Variants in GPCPD1 observed in about 807,000 individuals in gnomAD.
The protein encoded by GPCPD1 is glycerophosphocholine phosphodiesterase GPCPD1.
GPCPD1 carries 29 observed loss-of-function variants against 89.2 expected under a neutral mutation model. The ratio of observed to expected loss-of-function variants is 0.33; its 90% CI spans 0.24 to 0.44. The LOEUF (loss-of-function observed/expected upper bound fraction) is 0.44, where lower values mean the gene tolerates loss of function less well. Ranked by LOEUF, GPCPD1 falls within the 20% of genes least tolerant of loss-of-function variation. The probability of loss-of-function intolerance (pLI) is 1.00; values close to 1 mark genes in which losing one functional copy is unlikely to be tolerated. For missense variants in GPCPD1, 594 were observed against 808.9 expected (o/e 0.73, Z 3.22); for synonymous variants, 258 against 266.3 (o/e 0.97, Z 0.30).
chr20:5,594,156 C>G (rs1252992636), intron 3 of GPCPD1, among the ~76,000 whole-genome samples: 2 of 152,218 alleles, frequency 1.3e-5, no homozygotes, highest in Admixed American at 6.5e-5. Flanking sequence ...TAGTGCTATC[C>G]ACAGCATGGT....
At chr20:5,549,795 G>C (rs917784737) in intron 19 of GPCPD1, among the ~76,000 whole-genome samples, 2 of 147,402 alleles carry the variant, frequency 1.4e-5, no homozygotes, top group Admixed American at 6.8e-5. Flanking sequence ...CAGGGAAATA[G>C]CATGTTCATT....
chr20:5,561,425 C>T, intron 16 of GPCPD1, 40 bp downstream of exon 16: 2 of 1,091,684 alleles, frequency 1.8e-6, no homozygotes, highest in Non-Finnish European at 1.4e-6. Flanking sequence ...TTTAGATAGG[C>T]ATAGAGAGTA....
chr20:5,555,487 C>T (rs1488769585), intron 19 of GPCPD1, among the ~76,000 whole-genome samples: 1 of 152,090 alleles, frequency 6.6e-6, no homozygotes, highest in Admixed American at 6.6e-5. Context: ...TGCAGTGAGC[C>T]GAGATTGTGC....
intron 2 of GPCPD1, among the ~76,000 whole-genome samples, chr20:5,602,093 T>TAGCAG (rs2122799465): frequency 6.6e-6 from 1 of 152,336 alleles, no homozygotes; most frequent in Admixed American, 6.5e-5. Flanking sequence ...TCGCCACATT[T>TAGCAG]AGCAGAGGGT....
Position 5,567,543 on chromosome 20 carries a change from T to A in GPCPD1, c.1167A>T (p.Pro389=), listed in dbSNP as rs1359048519. ...LTMKKKFDAD[P]VELFEIPVKE... is the part of the protein sequence containing the mutation. ...TTACTGGAATTTCAAATAATTCAAC[T>A]GGATCAGCATCAAATTTCTAAAAAA... Residue 389 remains proline, a synonymous_variant, in exon 13 of 20, where the codon CCA becomes CCT. Coordinates refer to ENST00000379019, the MANE Select transcript of GPCPD1 (RefSeq NM_019593.5). The A allele has an allele frequency of 1.3e-6, 2 of 1,516,898 alleles. No individual in the cohort carries two copies. Among genetic ancestry groups the A allele is most frequent in the African/African-American group, 1.5e-5 (1 of 65,916 alleles). The allele number at this position is 1,516,898 out of a possible 1,614,324, so 94.0% of individuals were successfully genotyped here.
intron 19 of GPCPD1, among the ~76,000 whole-genome samples, chr20:5,551,893 C>T (rs532117719): frequency 3.5e-4 from 54 of 152,344 alleles, no homozygotes; most frequent in African/African-American, 1.2e-3. Context: ...ACTCTCACCA[C>T]ACCTCTCTCC....
chr20:5,558,187 C>A (rs907417868), intron 18 of GPCPD1, 82 bp from the exon 19 acceptor site: 73 of 769,638 alleles, frequency 9.5e-5, no homozygotes, highest in Non-Finnish European at 1.4e-4. Flanking sequence ...TCAGTGCTCT[C>A]CAAAGTACAG....
Position 5,558,970 on chromosome 20 carries a change from A to C in GPCPD1, c.1533-151T>G, listed in dbSNP as rs576213631. The C allele has an allele frequency of 1.1e-4, 61 of 560,988 alleles. 3 individuals are homozygous for C. The South Asian group carries it at 1.5e-3, about 14-fold the overall frequency. 34.8% of individuals were successfully genotyped at this position (560,988 alleles called of 1,614,324 possible). On this transcript the variant is annotated intron_variant, in intron 17 of 19. Transcript: ENST00000379019. ...GTAATCCCAACACTTTGGGAGGCCAAGGCGGGCAGAGCACTTGCGGTCATG... is the reference window on the plus strand; with the variant it reads ...GTAATCCCAACACTTTGGGAGGCCACGGCGGGCAGAGCACTTGCGGTCATG...
chr20:5,603,059 G>A (rs1426853648), intron 2 of GPCPD1, among the ~76,000 whole-genome samples: 5 of 151,194 alleles, frequency 3.3e-5, no homozygotes, highest in East Asian at 2.0e-4. Context: ...TTGGGAGGCC[G>A]AGAGGCAGGT....
At chr20:5,596,538 A>C (rs950129533) in intron 3 of GPCPD1, among the ~76,000 whole-genome samples, 8 of 152,206 alleles carry the variant, frequency 5.3e-5, no homozygotes, top group Non-Finnish European at 1.2e-4. Flanking sequence ...ATCCTTTCCC[A>C]AAATACCATA....
At chr20:5,571,769 C>T (rs1235951439) in intron 11 of GPCPD1, among the ~76,000 whole-genome samples, 1 of 152,058 alleles carries the variant, frequency 6.6e-6, no homozygotes, top group Non-Finnish European at 1.5e-5. Context: ...ATTAGCTGGG[C>T]ATGGTGGCAA....
chr20:5,596,158 G>A (rs1979708756), intron 3 of GPCPD1, among the ~76,000 whole-genome samples: 1 of 152,124 alleles, frequency 6.6e-6, no homozygotes, highest in South Asian at 2.1e-4. Flanking sequence ...CAGCACGCTG[G>A]GAGGCTGAGG....
At chr20:5,556,528 G>T (rs533661110) in intron 19 of GPCPD1, among the ~76,000 whole-genome samples, 1 of 152,070 alleles carries the variant, frequency 6.6e-6, no homozygotes, top group Admixed American at 6.6e-5. Context: ...ATATGCACTC[G>T]GAACCAAAAG....
intron 15 of GPCPD1, among the ~76,000 whole-genome samples, chr20:5,563,718 GCTCT>G (rs1237050323): frequency 2.6e-5 from 4 of 152,016 alleles, no homozygotes; most frequent in African/African-American, 9.7e-5. Context: ...CATTGCAGGG[GCTCT>G]CTTTTAGCAT....
At chr20:5,562,618 G>T (rs770512384) in intron 15 of GPCPD1, among the ~76,000 whole-genome samples, 6 of 152,156 alleles carry the variant, frequency 3.9e-5, no homozygotes, top group Non-Finnish European at 7.3e-5. Context: ...AGGTATCAAA[G>T]AACATGTATA....
rs760330700 is a variant in GPCPD1 at position 5,573,925 on chromosome 20, G to C, written c.1046C>G (p.Ala349Gly). 5.3e-6 allele frequency: 8 copies of C among 1,517,564 alleles called. No homozygotes were observed. The highest frequency in any genetic ancestry group is 1.7e-4 in the Middle Eastern group (1 of 5,864). 94.0% of individuals were successfully genotyped at this position (1,517,564 alleles called of 1,614,324 possible). Residue 349 changes from alanine to glycine, a missense_variant, in exon 11 of 20, where the codon GCT becomes GGT. By Grantham distance (60) the Ala-to-Gly change is moderately conservative (BLOSUM62 0). Transcript: ENST00000379019. Reference sequence around the variant, plus strand: ...TTAAAGGTTACTTACATGACTAGCAGCATTTCTTAAAGAAGCAATAGTATT... The same window carrying C: ...TTAAAGGTTACTTACATGACTAGCACCATTTCTTAAAGAAGCAATAGTATT... ...QENTIASLRN[A>G]ASHGAAFVEF...
rs185518552 is a variant in GPCPD1, at chr20:5,583,803, G to A, written c.349+478C>T. 4.6e-5 allele frequency among the ~76,000 whole-genome samples: 7 copies of A among 152,208 alleles called. No individual in the cohort carries two copies. In the East Asian group the frequency reaches 1.2e-3, roughly 25 times the overall value. ...ACTTTAGATATTTAGAAACATTAAT[G>A]TAATTTCAAACATAAAAGAGGTAAA... On this transcript the variant is annotated intron_variant, in intron 6 of 19. Transcript: ENST00000379019.
rs141086440 is a variant in GPCPD1, at chr20:5,547,741, G to A, written c.1939C>T (p.Arg647Cys). ...LKSCLCPTVSRFVPSSLCGES... is the reference protein window; with the variant it reads ...LKSCLCPTVSCFVPSSLCGES... The stretch of plus-strand genomic sequence containing the variant: ...CCACACAAAGATGAGGGAACAAAGC[G>A]GCTAACAGTGGGACACAAACAGCTC... Residue 647 changes from arginine to cysteine, a missense_variant, in exon 20 of 20, where the codon CGC (arginine) becomes TGC (cysteine). Transcript: ENST00000379019. 87 of 1,609,712 alleles carry A rather than the reference G, an allele frequency of 5.4e-5. No homozygotes were observed. Among genetic ancestry groups the A allele is most frequent in the African/African-American group, 1.1e-4 (8 of 74,840 alleles).
At chr20:5,593,297 G>A (rs769462943) in intron 4 of GPCPD1, 30 bp downstream of exon 4, 1 of 1,108,498 alleles carries the variant, frequency 9.0e-7, no homozygotes, top group Non-Finnish European at 1.4e-6. Flanking sequence ...AAGTGCTAAA[G>A]GAATTGGAAA....
Sources: gnomAD v4.1 joint callset for allele counts (sites outside exome capture counted in the v4.1 genomes callset) on GRCh38, gnomAD v4.1.1 for gene constraint, MANE v1.5 for transcripts, NCBI Gene and HGNC (gene_info 2026-07-23, HGNC 2026-07-21) for gene names.